Variants in DEPDC4 observed in about 807,000 individuals in gnomAD.
DEPDC4 encodes the protein DEP domain containing 4.
A neutral mutation model predicts 52.0 loss-of-function variants in DEPDC4; 52 were observed. The observed-to-expected ratio is 1.00, with a 90% CI of 0.80 to 1.26. The LOEUF is 1.26. DEPDC4 is among the 50% of genes most tolerant of loss of function. The pLI is 0.00. For synonymous variants in DEPDC4, 201 were observed against 196.8 expected, an observed-to-expected ratio of 1.02 and a Z score of -0.18; for missense variants, 530 against 546.9, an observed-to-expected ratio of 0.97 and a Z score of 0.31.
intron 1 of DEPDC4, among the ~76,000 whole-genome samples, chr12:100,266,479 A>G (rs1335410466): frequency 6.6e-6 from 1 of 152,180 alleles, no homozygotes; most frequent in East Asian, 1.9e-4. Context: ...TCTAACCTTC[A>G]TTAAACAAGT....
the DEPDC4 span, among the ~76,000 whole-genome samples, chr12:100,278,285 C>T: frequency 6.6e-6 from 1 of 152,106 alleles, no homozygotes; most frequent in East Asian, 1.9e-4. Context: ...CTGCAGCCTC[C>T]ACCTCCTGGT....
rs531183752 is a variant in DEPDC4 at position 100,241,307 on chromosome 12, A to G, written c.*585T>C. Among the ~76,000 whole-genome samples the G allele has an allele frequency of 2.6e-5, 4 of 151,972 alleles. No individual in the cohort carries two copies. The highest frequency in any genetic ancestry group is 4.1e-4 in the South Asian group (2 of 4,824). ...TGATTTTAGCAGCATAATTAAGTGAATCAGCAAACATGAAGGCTAACTTGT... is the reference window on the plus strand; with the variant it reads ...TGATTTTAGCAGCATAATTAAGTGAGTCAGCAAACATGAAGGCTAACTTGT... On this transcript the variant is annotated 3_prime_UTR_variant, in exon 10 of 10. Coordinates refer to ENST00000550587, the MANE Select transcript of DEPDC4 (RefSeq NM_001364818.2).
At chr12:100,269,813 T>G (rs966192240), upstream of DEPDC4, among the ~76,000 whole-genome samples, 1 of 152,184 alleles carries the variant, frequency 6.6e-6, no homozygotes, top group South Asian at 2.1e-4. Flanking sequence ...GATACAGATA[T>G]ACTTCACCTT....
At chr12:100,260,483 G>GA (rs989858452) in intron 3 of DEPDC4, among the ~76,000 whole-genome samples, 15 of 151,840 alleles carry the variant, frequency 9.9e-5, no homozygotes, top group African/African-American at 3.6e-4. Flanking sequence ...ATGACCTCAA[G>GA]AAAAAATAAT....
At chr12:100,236,941 T>G (rs1360332490), downstream of DEPDC4, among the ~76,000 whole-genome samples, 1 of 152,064 alleles carries the variant, frequency 6.6e-6, no homozygotes, top group Non-Finnish European at 1.5e-5. Context: ...GAAGAGGGTG[T>G]CCTTTCCCCA....
intron 5 of DEPDC4, 48 bp from the exon 6 acceptor site, chr12:100,252,584 G>A (rs1348429810): frequency 6.5e-7 from 1 of 1,536,640 alleles, no homozygotes; most frequent in Non-Finnish European, 8.8e-7. Context: ...GAAAAATGGA[G>A]AGTATAGTAA....
At position 100,253,712 on chromosome 12, in the gene DEPDC4, G is replaced by A. The variant is rs951644749; in HGVS notation, c.882C>T (p.Ile294=). The A allele has an allele frequency of 5.5e-6, 7 of 1,282,738 alleles. No individual in the cohort carries two copies. Among genetic ancestry groups the A allele is most frequent in the East Asian group, 5.6e-5 (1 of 17,930 alleles). 79.5% of individuals were successfully genotyped at this position (1,282,738 alleles called of 1,614,324 possible). ...ELIPSLCLPE[I]DNWLNAAIEC... is the part of the protein sequence containing the mutation. ...CAATTGCTGCATTAAGCCAGTTATCGATTCTAGAGGGAAAATGCAAACCAA... is the reference window on the plus strand; with the variant it reads ...CAATTGCTGCATTAAGCCAGTTATCAATTCTAGAGGGAAAATGCAAACCAA... The change falls in exon 5 of 10, where the codon ATC becomes ATT. Residue 294 remains isoleucine (I), a synonymous_variant. Coordinates refer to ENST00000550587, the MANE Select transcript of DEPDC4 (RefSeq NM_001364818.2).
chr12:100,281,017 G>GTGTTTTGTTTTTTT, the DEPDC4 span, among the ~76,000 whole-genome samples: 1 of 91,694 alleles, frequency 1.1e-5, no homozygotes, highest in African/African-American at 4.5e-5. Flanking sequence ...TTTACCATCA[G>GTGTTTTGTTTTTTT]TGTTTTTTTT....
chr12:100,266,890 T>G (rs990068726), intron 1 of DEPDC4, 30 bp downstream of exon 1: 31 of 1,600,220 alleles, frequency 1.9e-5, no homozygotes, highest in Non-Finnish European at 2.6e-5. Context: ...CCACCTTCAC[T>G]GCACATTTGG....
upstream of DEPDC4, chr12:100,267,101 G>A: frequency 1.2e-6 from 2 of 1,609,534 alleles, no homozygotes; most frequent in Non-Finnish European, 1.7e-6. Context: ...TGACACCCGG[G>A]GCGGAGAGAA....
At chr12:100,260,185 ATCTC>A (rs2096248942) in intron 3 of DEPDC4, among the ~76,000 whole-genome samples, 1 of 151,810 alleles carries the variant, frequency 6.6e-6, no homozygotes, top group African/African-American at 2.4e-5. Context: ...CAAAGGCGCG[ATCTC>A]CATTTACTGC....
chr12:100,232,242 A>C, intron 9 of DEPDC4, among the ~76,000 whole-genome samples: 1 of 151,662 alleles, frequency 6.6e-6, no homozygotes, highest in East Asian at 2.0e-4. Context: ...AAAACAATGC[A>C]AAAATTAGCC....
At chr12:100,244,533 G>A (rs1020138482) in intron 8 of DEPDC4, among the ~76,000 whole-genome samples, 4 of 151,782 alleles carry the variant, frequency 2.6e-5, no homozygotes, top group Non-Finnish European at 5.9e-5. Context: ...GTAGTGCAGT[G>A]GCGTTGATCA....
chr12:100,235,358 T>C (rs2096139730), downstream of DEPDC4, among the ~76,000 whole-genome samples: 1 of 151,590 alleles, frequency 6.6e-6, no homozygotes, highest in Admixed American at 6.6e-5. Flanking sequence ...AAGGTTTTTT[T>C]TTTTTTTTTA....
At chr12:100,253,921 TACC>T (rs1489660696) in intron 4 of DEPDC4, among the ~76,000 whole-genome samples, 1 of 152,228 alleles carries the variant, frequency 6.6e-6, no homozygotes, top group African/African-American at 2.4e-5. Context: ...CCTTACTGAA[TACC>T]ACCACACCTT....
At position 100,253,610 on chromosome 12, in the gene DEPDC4, T is replaced by C; in HGVS notation, c.984A>G (p.Thr328=). ...QQLMQNRNEE[T]RLNSQKKILF... ...GTATCTTCTTCTGACTGTTCAATCT[T>C]GTCTCTTCATTTCTGTTTTGCATTA... The change falls in exon 5 of 10, where the codon ACA becomes ACG. Residue 328 remains threonine (T), a synonymous_variant. Transcript: ENST00000550587. The C allele has an allele frequency of 7.8e-7, 1 of 1,289,372 alleles. No individual in the cohort carries two copies. Among genetic ancestry groups the C allele is most frequent in the Non-Finnish European group, 1.0e-6 (1 of 988,596 alleles). The allele number at this position is 1,289,372 out of a possible 1,614,324, so 79.9% of individuals were successfully genotyped here.
chr12:100,262,017 T>C (rs2096255203), intron 3 of DEPDC4, among the ~76,000 whole-genome samples: 1 of 152,232 alleles, frequency 6.6e-6, no homozygotes, highest in African/African-American at 2.4e-5. Flanking sequence ...GGCTGAGCCT[T>C]AATGTAAACT....
chr12:100,277,041 G>A, the DEPDC4 span, among the ~76,000 whole-genome samples: 1 of 152,002 alleles, frequency 6.6e-6, no homozygotes, highest in South Asian at 2.1e-4. Flanking sequence ...TATATTTGCA[G>A]TTTTTCTATA....
chr12:100,233,361 G>A (rs918798153), intron 9 of DEPDC4, among the ~76,000 whole-genome samples: 1 of 152,044 alleles, frequency 6.6e-6, no homozygotes, highest in African/African-American at 2.4e-5. Flanking sequence ...AAACATTCTC[G>A]TCCCTCTTCC....
Sources: allele counts gnomAD v4.1 joint callset (sites outside exome capture counted in the v4.1 genomes callset), GRCh38; gene constraint gnomAD v4.1.1; transcripts MANE v1.5; gene names NCBI Gene and HGNC (gene_info 2026-07-23, HGNC 2026-07-21).